ARHGEF3: variants seen among roughly 807,000 people sequenced by gnomAD.
ARHGEF3 encodes 59.8 kDA protein.
A neutral mutation model predicts 63.2 loss-of-function variants in ARHGEF3; 28 were observed. That is an observed-to-expected ratio of 0.44 (90% CI 0.33 to 0.61). ARHGEF3 has a LOEUF of 0.61. Ranked by LOEUF, ARHGEF3 falls within the 20% of genes least tolerant of loss-of-function variation. The pLI, the probability that ARHGEF3 is intolerant of heterozygous loss-of-function variation, is 0.03. For synonymous variants in ARHGEF3, 266 were observed against 254.2 expected (o/e 1.05, Z -0.44); for missense variants, 533 against 659.3 (o/e 0.81, Z 2.10).
intron 2 of ARHGEF3, among the ~76,000 whole-genome samples, chr3:56,966,759 A>G (rs925501967): frequency 1.3e-5 from 2 of 152,076 alleles, no homozygotes; most frequent in Non-Finnish European, 2.9e-5. Context: ...TCTCAGGGAC[A>G]CTTTCAAGAT....
intron 1 of ARHGEF3, chr3:57,073,436 C>A: frequency 2.3e-6 from 1 of 435,380 alleles, no homozygotes; most frequent in South Asian, 5.2e-5. Flanking sequence ...AGTGGACAAG[C>A]GTGAAAGAGC....
intron 1 of ARHGEF3, among the ~76,000 whole-genome samples, chr3:56,783,354 G>A (rs1190949167): frequency 6.6e-6 from 1 of 152,094 alleles, no homozygotes; most frequent in African/African-American, 2.4e-5. Flanking sequence ...GAAAGGTGGG[G>A]GTAGGCGGCA....
chr3:56,834,314 G>A (rs1005267372), intron 4 of ARHGEF3, among the ~76,000 whole-genome samples: 1 of 152,072 alleles, frequency 6.6e-6, no homozygotes, highest in East Asian at 1.9e-4. Context: ...GTTTCACATT[G>A]GCACTAGGTA....
At chr3:57,068,872 C>T (rs1319080608) in intron 1 of ARHGEF3, among the ~76,000 whole-genome samples, 5 of 151,884 alleles carry the variant, frequency 3.3e-5, no homozygotes, top group Non-Finnish European at 5.9e-5. Context: ...TATGAACTGC[C>T]GGTTCCAACA....
At chr3:56,972,067 G>C (rs1173561445) in intron 2 of ARHGEF3, among the ~76,000 whole-genome samples, 1 of 151,960 alleles carries the variant, frequency 6.6e-6, no homozygotes. Flanking sequence ...CCATGGATGG[G>C]CCTTGGGTTG....
At chr3:57,066,138 T>C (rs1412574129) in intron 1 of ARHGEF3, among the ~76,000 whole-genome samples, 2 of 152,166 alleles carry the variant, frequency 1.3e-5, no homozygotes, top group East Asian at 3.8e-4. Flanking sequence ...CTGGTCCACC[T>C]GTAATTGCAA....
At chr3:56,824,591 A>G (rs1166173285) in intron 4 of ARHGEF3, among the ~76,000 whole-genome samples, 2 of 152,180 alleles carry the variant, frequency 1.3e-5, no homozygotes, top group Non-Finnish European at 1.5e-5. Context: ...TAGCCTTTGA[A>G]CCATTTACAC....
At chr3:56,827,777 A>G (rs2038782474) in intron 4 of ARHGEF3, among the ~76,000 whole-genome samples, 1 of 91,564 alleles carries the variant, frequency 1.1e-5, no homozygotes, top group Non-Finnish European at 2.5e-5. Flanking sequence ...AAAAAAACAG[A>G]AAAGAAAAAA....
intron 4 of ARHGEF3, among the ~76,000 whole-genome samples, chr3:56,846,383 G>C (rs1486485906): frequency 1.3e-5 from 2 of 151,242 alleles, no homozygotes; most frequent in Non-Finnish European, 3.0e-5. Context: ...GATCCTGAAA[G>C]TGGGCTTCAA....
chr3:56,958,738 A>G (rs1391752457), intron 3 of ARHGEF3: 1 of 1,405,656 alleles, frequency 7.1e-7, no homozygotes, highest in East Asian at 2.5e-5. Context: ...AGTAAAACCA[A>G]CCCTAACAGC....
chr3:56,733,753 G>C (rs1307573808), intron 8 of ARHGEF3, among the ~76,000 whole-genome samples: 2 of 152,022 alleles, frequency 1.3e-5, no homozygotes, highest in African/African-American at 4.8e-5. Context: ...GGAGGCCGAG[G>C]TGGGCGGATC....
chr3:56,967,490 TAA>T (rs1393482282), intron 2 of ARHGEF3, among the ~76,000 whole-genome samples: 5 of 88,842 alleles, frequency 5.6e-5, no homozygotes, highest in Admixed American at 4.1e-4. Flanking sequence ...TATAATATAT[TAA>T]ATATATTACA....
intron 1 of ARHGEF3, among the ~76,000 whole-genome samples, chr3:57,054,147 C>T (rs1704799290): frequency 6.6e-6 from 1 of 152,142 alleles, no homozygotes; most frequent in Admixed American, 6.5e-5. Context: ...TCCAGTTGCA[C>T]CATATCTTCA....
At chr3:57,054,701 T>C (rs570938588) in intron 1 of ARHGEF3, among the ~76,000 whole-genome samples, 3 of 148,908 alleles carry the variant, frequency 2.0e-5, no homozygotes, top group African/African-American at 7.4e-5. Flanking sequence ...TGGAGTGCAG[T>C]AGTGCAGTGG....
intron 2 of ARHGEF3, among the ~76,000 whole-genome samples, chr3:56,977,783 T>C (rs1408228008): frequency 1.3e-5 from 2 of 152,124 alleles, no homozygotes; most frequent in East Asian, 3.9e-4. Context: ...GGAATCCATG[T>C]CTTAGACTAT....
chr3:56,739,021 G>A (rs977381248), intron 7 of ARHGEF3, among the ~76,000 whole-genome samples: 1 of 152,006 alleles, frequency 6.6e-6, no homozygotes, highest in Admixed American at 6.6e-5. Context: ...CTTGAACCTG[G>A]GAGGCAGAGG....
At chr3:57,075,500 CTTCT>C (rs981358017) in intron 1 of ARHGEF3, 24 of 137,368 alleles carry the variant, frequency 1.7e-4, no homozygotes, top group African/African-American at 6.3e-4. Flanking sequence ...CTTTTTTTTT[CTTCT>C]TTTTTTAAGA....
chr3:56,764,034 T>A (rs1240797426), intron 2 of ARHGEF3, among the ~76,000 whole-genome samples: 1 of 151,796 alleles, frequency 6.6e-6, no homozygotes, highest in Non-Finnish European at 1.5e-5. Context: ...ATATTTACAA[T>A]CTGATTCAGA....
Position 56,953,195 on chromosome 3 carries a change from C to T in ARHGEF3, c.129+5628G>A, listed in dbSNP as rs116308312. The stretch of plus-strand genomic sequence containing the variant: ...CTTTTGCAGTGTAGAGATGGTAAAG[C>T]CACAATACATACTGACCTGGCCTGG... On this transcript the variant is annotated intron_variant, in intron 3 of 12. Transcript: ENST00000338458. Among the ~76,000 whole-genome samples, 403 of 152,274 alleles carry T rather than the reference C, an allele frequency of 2.6e-3. 1 individual carries two copies. The highest frequency in any genetic ancestry group is 9.2e-3 in the African/African-American group (381 of 41,536).
Sources: allele counts gnomAD v4.1 joint callset (sites outside exome capture counted in the v4.1 genomes callset), GRCh38; gene constraint gnomAD v4.1.1; transcripts MANE v1.5; gene names NCBI Gene and HGNC (gene_info 2026-07-23, HGNC 2026-07-21).